Variants in PTPRD observed in about 807,000 individuals in gnomAD.
PTPRD encodes the protein protein tyrosine phosphatase receptor type D.
PTPRD carries 34 observed loss-of-function variants against 214.5 expected under a neutral mutation model. The ratio of observed to expected loss-of-function variants is 0.16; its 90% CI spans 0.12 to 0.21. The LOEUF (loss-of-function observed/expected upper bound fraction) is 0.21, where lower values mean the gene tolerates loss of function less well. Ranked by LOEUF, PTPRD falls within the 10% of genes least tolerant of loss-of-function variation. The pLI is 1.00. For synonymous variants in PTPRD, 1,128 were observed against 845.7 expected, an observed-to-expected ratio of 1.33 and a Z score of -5.79; for missense variants, 2,545 against 2,398.7, an observed-to-expected ratio of 1.06 and a Z score of -1.27.
chr9:10,491,997 A>G (rs1379581739), intron 2 of PTPRD, among the ~76,000 whole-genome samples: 1 of 152,048 alleles, frequency 6.6e-6, no homozygotes. Context: ...GTTTGCTGAG[A>G]ATGATGGTTT....
chr9:8,600,217 C>T (rs1437249716), intron 14 of PTPRD, among the ~76,000 whole-genome samples: 3 of 152,180 alleles, frequency 2.0e-5, no homozygotes, highest in Non-Finnish European at 2.9e-5. Flanking sequence ...TTTGGACTGG[C>T]CTAGCCAGAC....
intron 7 of PTPRD, among the ~76,000 whole-genome samples, chr9:9,628,643 G>C (rs534923409): frequency 4.1e-4 from 62 of 152,086 alleles, no homozygotes; most frequent in African/African-American, 5.3e-4. Flanking sequence ...ATTTTCTTTA[G>C]AAATATTGAA....
At chr9:10,357,210 C>T (rs967936672) in intron 2 of PTPRD, among the ~76,000 whole-genome samples, 2 of 152,156 alleles carry the variant, frequency 1.3e-5, no homozygotes, top group African/African-American at 4.8e-5. Flanking sequence ...TACTGAAGCA[C>T]TGTACACCAG....
At position 8,618,139 on chromosome 9, in the gene PTPRD, C is replaced by T. The variant is rs150805417; in HGVS notation, c.352+15178G>A. Among the ~76,000 whole-genome samples, 392 of 152,196 alleles carry T rather than the reference C, an allele frequency of 2.6e-3. 5 individuals carry two copies. Among genetic ancestry groups the T allele is most frequent in the Admixed American group, 0.021 (317 of 15,284 alleles). On this transcript the variant is annotated intron_variant, in intron 14 of 45. Transcript: ENST00000381196. ...TTTGCCTAAAATAAAAATTTAAAGT[C>T]ACTTCCTCAACAATAAGACCTGTAA...
chr9:9,037,521 G>C (rs1198826563), intron 10 of PTPRD, among the ~76,000 whole-genome samples: 1 of 152,082 alleles, frequency 6.6e-6, no homozygotes. Flanking sequence ...CGATTACATG[G>C]TAAAACTTCC....
At chr9:9,795,740 T>C (rs1192340596) in intron 5 of PTPRD, among the ~76,000 whole-genome samples, 1 of 152,032 alleles carries the variant, frequency 6.6e-6, no homozygotes, top group African/African-American at 2.4e-5. Flanking sequence ...TGTATGAAGT[T>C]GCATGGTTTA....
chr9:8,509,712 C>A (rs1026614518), intron 21 of PTPRD, among the ~76,000 whole-genome samples: 1 of 152,146 alleles, frequency 6.6e-6, no homozygotes. Context: ...CCCGGTTGGT[C>A]TCAATATTTC....
At chr9:10,202,671 G>GATATATATATATATATATATATAT (rs77962535) in intron 3 of PTPRD, among the ~76,000 whole-genome samples, 4 of 113,114 alleles carry the variant, frequency 3.5e-5, no homozygotes, top group South Asian at 3.0e-4. Flanking sequence ...AAATTATATG[G>GATATATATATATATATATATATAT]ATATATATAT....
intron 12 of PTPRD, among the ~76,000 whole-genome samples, chr9:8,646,071 A>T (rs1251086727): frequency 6.7e-6 from 1 of 149,954 alleles, no homozygotes; most frequent in Non-Finnish European, 1.5e-5. Context: ...GAAAAAAAAA[A>T]AAAATGAAAG....
At chr9:10,394,417 A>C (rs1473465954) in intron 2 of PTPRD, among the ~76,000 whole-genome samples, 1 of 151,486 alleles carries the variant, frequency 6.6e-6, no homozygotes, top group South Asian at 2.1e-4. Flanking sequence ...CCTTCTTCTT[A>C]GTTAGGAACA....
At chr9:8,633,566 G>A in intron 13 of PTPRD, 108 bp from the exon 14 acceptor site, 2 of 1,277,454 alleles carry the variant, frequency 1.6e-6, no homozygotes, top group South Asian at 1.4e-5. Context: ...AATAAACTAG[G>A]CATCATTCTG....
At position 8,453,309 on chromosome 9, in the gene PTPRD, G is replaced by A. The variant is rs538767612; in HGVS notation, c.3876-3472C>T. 2.0e-4 allele frequency among the ~76,000 whole-genome samples: 30 copies of A among 152,028 alleles called. No homozygotes were observed. In the South Asian group the frequency reaches 6.0e-3, roughly 31 times the overall value. ...CTCCCGAGTAGCTGGGATTACAGGC[G>A]CCCGCCACCATGCCTGGCTAATTTT... On this transcript the variant is annotated intron_variant, in intron 33 of 45. Coordinates refer to ENST00000381196, the MANE Select transcript of PTPRD (RefSeq NM_002839.4).
intron 7 of PTPRD, among the ~76,000 whole-genome samples, chr9:9,686,209 C>A (rs933288143): frequency 6.6e-6 from 1 of 151,266 alleles, no homozygotes; most frequent in East Asian, 1.9e-4. Flanking sequence ...AATTTTCATT[C>A]ATTCAGATGT....
At chr9:9,800,160 A>T (rs78851110) in intron 5 of PTPRD, among the ~76,000 whole-genome samples, 3,247 of 152,224 alleles carry the variant, frequency 0.021, 105 homozygotes, top group African/African-American at 0.074. Flanking sequence ...GATTATCTTA[A>T]TGCCCATTTG....
chr9:10,272,856 AT>A (rs905701767), intron 3 of PTPRD, among the ~76,000 whole-genome samples: 1 of 152,200 alleles, frequency 6.6e-6, no homozygotes, highest in African/African-American at 2.4e-5. Context: ...ACATGTGTGA[AT>A]TTTTGAAGAC....
intron 7 of PTPRD, among the ~76,000 whole-genome samples, chr9:9,683,022 G>A (rs754104064): frequency 3.6e-4 from 54 of 151,812 alleles, no homozygotes; most frequent in Middle Eastern, 3.4e-3. Context: ...ACATATTGGG[G>A]GTTATAGTAT....
At chr9:9,073,093 T>A (rs982651218) in intron 10 of PTPRD, among the ~76,000 whole-genome samples, 1 of 152,084 alleles carries the variant, frequency 6.6e-6, no homozygotes, top group Non-Finnish European at 1.5e-5. Context: ...TAAAAAGGGG[T>A]AAAGAAAGAC....
intron 14 of PTPRD, among the ~76,000 whole-genome samples, chr9:8,584,393 T>G (rs1454078297): frequency 2.0e-5 from 3 of 151,822 alleles, no homozygotes; most frequent in African/African-American, 7.3e-5. Flanking sequence ...TAGCCTCCCT[T>G]AGATTGCCAA....
At chr9:8,779,021 C>T (rs2095593293) in intron 11 of PTPRD, among the ~76,000 whole-genome samples, 3 of 151,914 alleles carry the variant, frequency 2.0e-5, no homozygotes, top group Non-Finnish European at 2.9e-5. Context: ...ATTTAAGATC[C>T]ACTCTGAAAC....
Sources: gnomAD v4.1 joint callset for allele counts (sites outside exome capture counted in the v4.1 genomes callset) on GRCh38, gnomAD v4.1.1 for gene constraint, MANE v1.5 for transcripts, NCBI Gene and HGNC (gene_info 2026-07-23, HGNC 2026-07-21) for gene names.